The following AMBRA1 variants were observed in gnomAD, a reference collection of about 807,000 sequenced individuals.
AMBRA1 encodes autophagy and beclin 1 regulator 1.
AMBRA1 carries 47 observed loss-of-function variants against 125.4 expected under a neutral mutation model. The observed-to-expected ratio is 0.37, with a 90% CI of 0.30 to 0.48. The LOEUF is 0.48. AMBRA1 is among the 20% of genes least tolerant of loss of function. The pLI is 0.99. For missense variants in AMBRA1, 1,331 were observed against 1,693.4 expected (o/e 0.79, Z 3.76); for synonymous variants, 626 against 655.5 (o/e 0.95, Z 0.69).
At chr11:46,546,688 TACA>T (rs1010772488) in intron 4 of AMBRA1, among the ~76,000 whole-genome samples, 1 of 151,722 alleles carries the variant, frequency 6.6e-6, no homozygotes, top group African/African-American at 2.4e-5. Context: ...GGGCAATGTC[TACA>T]ACAATATATT....
chr11:46,594,023 G>C lies in AMBRA1; in HGVS notation c.-316C>G, dbSNP rs2044701734. 5.0e-6 allele frequency: 2 copies of C among 398,530 alleles called. No individual in the cohort carries two copies. The highest frequency in any genetic ancestry group is 1.3e-4 in the South Asian group (1 of 7,862). The allele number at this position is 398,530 out of a possible 1,614,324, so 24.7% of individuals were successfully genotyped here. On this transcript the variant is annotated 5_prime_UTR_variant, in exon 1 of 18. Transcript: ENST00000683756. ...CCGCTCAGGAGACATCAAGCAAGAA[G>C]ACGGCGCAAAAGATCACCGAATACA...
chr11:46,408,270 T>C (rs1946119273), intron 17 of AMBRA1, among the ~76,000 whole-genome samples: 1 of 152,106 alleles, frequency 6.6e-6, no homozygotes, highest in South Asian at 2.1e-4. Flanking sequence ...GCTCTCTCTT[T>C]GGAAAAAGAG....
intron 1 of AMBRA1, among the ~76,000 whole-genome samples, chr11:46,559,000 C>T (rs1050031125): frequency 4.6e-5 from 7 of 152,016 alleles, no homozygotes; most frequent in African/African-American, 1.7e-4. Flanking sequence ...AAGTCAAATA[C>T]CTTAAAAAGA....
At chr11:46,523,208 T>C (rs1211492592) in intron 7 of AMBRA1, among the ~76,000 whole-genome samples, 2 of 152,218 alleles carry the variant, frequency 1.3e-5, no homozygotes, top group African/African-American at 4.8e-5. Context: ...CATTCTGAAC[T>C]GCTTCTCTTA....
chr11:46,405,122 T>C (rs1371533937), intron 17 of AMBRA1, among the ~76,000 whole-genome samples: 1 of 152,226 alleles, frequency 6.6e-6, no homozygotes, highest in African/African-American at 2.4e-5. Flanking sequence ...CCATTTCATG[T>C]GCTGAGACAT....
intron 7 of AMBRA1, among the ~76,000 whole-genome samples, chr11:46,523,065 C>A (rs952186330): frequency 3.3e-5 from 5 of 152,278 alleles, no homozygotes; most frequent in Admixed American, 6.5e-5. Flanking sequence ...TCATATCTGT[C>A]CATGGAATGA....
At chr11:46,410,938 T>C (rs1946259128) in intron 15 of AMBRA1, among the ~76,000 whole-genome samples, 1 of 151,868 alleles carries the variant, frequency 6.6e-6, no homozygotes, top group Non-Finnish European at 1.5e-5. Flanking sequence ...CTGTCTCTAC[T>C]AAAAATACAA....
chr11:46,446,804 G>GCACCA (rs1204983653), intron 11 of AMBRA1, among the ~76,000 whole-genome samples: 1 of 152,200 alleles, frequency 6.6e-6, no homozygotes, highest in Non-Finnish European at 1.5e-5. Flanking sequence ...GGTGCTCTTA[G>GCACCA]CACCACTACT....
At chr11:46,438,703 G>T (rs999483250) in intron 12 of AMBRA1, among the ~76,000 whole-genome samples, 1 of 152,096 alleles carries the variant, frequency 6.6e-6, no homozygotes, top group Non-Finnish European at 1.5e-5. Flanking sequence ...CCACTCATCC[G>T]CCGGGTTTCT....
At chr11:46,560,232 A>G (rs2043287363) in intron 1 of AMBRA1, among the ~76,000 whole-genome samples, 1 of 152,232 alleles carries the variant, frequency 6.6e-6, no homozygotes, top group Non-Finnish European at 1.5e-5. Flanking sequence ...TACTGCACAC[A>G]GGCAGCAGCA....
chr11:46,541,334 C>A (rs891905855), intron 7 of AMBRA1, among the ~76,000 whole-genome samples: 3 of 152,144 alleles, frequency 2.0e-5, no homozygotes, highest in African/African-American at 7.2e-5. Flanking sequence ...AAGGTCCATT[C>A]AGAGAATCTC....
intron 7 of AMBRA1, among the ~76,000 whole-genome samples, chr11:46,539,384 T>A (rs1270393970): frequency 6.6e-6 from 1 of 151,604 alleles, no homozygotes; most frequent in African/African-American, 2.4e-5. Flanking sequence ...ATGGAGAAAA[T>A]CCGTCTCTAC....
rs1166483731 is a variant in AMBRA1 at position 46,396,791 on chromosome 11, C to G, written c.*659G>C. The G allele has an allele frequency of 6.5e-6, 1 of 152,730 alleles. No individual in the cohort carries two copies. The highest frequency in any genetic ancestry group is 2.4e-5 in the African/African-American group (1 of 41,454). The allele number at this position is 152,730 out of a possible 1,614,324, so 9.5% of individuals were successfully genotyped here. On this transcript the variant is annotated 3_prime_UTR_variant, in exon 18 of 18. Transcript: ENST00000683756. ...CCTGGGGGCTGGCCAGCCTACACCC[C>G]CCACTCCTGAGTGAGGACCTGCCCA...
In AMBRA1 at chr11:46,433,544, G is replaced by C; in HGVS notation, c.2906C>G (p.Pro969Arg). 1 of 1,614,232 alleles carries C rather than the reference G, an allele frequency of 6.2e-7. No individual in the cohort carries two copies. The highest frequency in any genetic ancestry group is 8.5e-7 in the Non-Finnish European group (1 of 1,180,030). The change falls in exon 14 of 18, where the codon CCC becomes CGC. Residue 969 changes from proline to arginine, a missense_variant. Coordinates refer to ENST00000683756, the MANE Select transcript of AMBRA1 (RefSeq NM_001387011.1). ...GLASRRILLH[P>R]STEHMVAQVF... ...CTGGGCCACCATGTGCTCTGTGGAG[G>C]GGTGCAGCAGGATCCTTCGTGAGGC...
intron 17 of AMBRA1, among the ~76,000 whole-genome samples, chr11:46,401,968 C>G (rs993879390): frequency 6.6e-6 from 1 of 152,208 alleles, no homozygotes; most frequent in Non-Finnish European, 1.5e-5. Context: ...CCCTGTCCCC[C>G]ACATTCCTGC....
At chr11:46,581,430 A>T (rs1383619397) in intron 1 of AMBRA1, among the ~76,000 whole-genome samples, 2 of 151,706 alleles carry the variant, frequency 1.3e-5, no homozygotes, top group African/African-American at 2.4e-5. Context: ...AACACATGAA[A>T]CCCCGTCTCT....
intron 1 of AMBRA1, among the ~76,000 whole-genome samples, chr11:46,569,440 A>AAAAAATATATATAT (rs1477022124): frequency 8.8e-4 from 116 of 131,342 alleles, no homozygotes; most frequent in African/African-American, 3.2e-3. Flanking sequence ...AAAAAAAAAA[A>AAAAAATATATATAT]ATATATATAT....
intron 14 of AMBRA1, among the ~76,000 whole-genome samples, chr11:46,427,414 T>C (rs1282087373): frequency 3.3e-5 from 5 of 152,292 alleles, no homozygotes; most frequent in African/African-American, 1.2e-4. Context: ...TTTTCAGAGA[T>C]AGTAAGAGAC....
intron 1 of AMBRA1, among the ~76,000 whole-genome samples, chr11:46,564,231 A>AG (rs930018054): frequency 4.0e-5 from 6 of 150,742 alleles, no homozygotes; most frequent in South Asian, 2.1e-4. Flanking sequence ...AAAAAAAAAA[A>AG]AGAGAAATCC....
Sources: allele counts gnomAD v4.1 joint callset (sites outside exome capture counted in the v4.1 genomes callset), GRCh38; gene constraint gnomAD v4.1.1; transcripts MANE v1.5; gene names NCBI Gene and HGNC (gene_info 2026-07-23, HGNC 2026-07-21).